The following ENTHD1 variants were observed in gnomAD, a reference collection of about 807,000 sequenced individuals.
ENTHD1 encodes the protein ENTH domain containing 1.
In ENTHD1, 23 loss-of-function variants were observed where a neutral mutation model predicts 39.1. The ratio of observed to expected loss-of-function variants is 0.59; its 90% CI spans 0.42 to 0.83. The LOEUF (loss-of-function observed/expected upper bound fraction) is 0.83, where lower values mean the gene tolerates loss of function less well. Among genes scored for constraint, ENTHD1 ranks in the 40% least tolerant of loss-of-function variants. ENTHD1 has a pLI of 0.00. For missense variants in ENTHD1, 624 were observed against 705.4 expected, an observed-to-expected ratio of 0.88 and a Z score of 1.31; for synonymous variants, 230 against 258.2, an observed-to-expected ratio of 0.89 and a Z score of 1.05.
chr22:39,825,130 C>A (rs960029412), intron 4 of ENTHD1, among the ~76,000 whole-genome samples: 16 of 152,122 alleles, frequency 1.1e-4, no homozygotes, highest in African/African-American at 2.4e-5. Flanking sequence ...GGACTCTGTA[C>A]ATGTTTTGTT....
intron 5 of ENTHD1, among the ~76,000 whole-genome samples, chr22:39,810,467 C>A (rs1324894510): frequency 1.3e-5 from 2 of 152,166 alleles, no homozygotes; most frequent in Non-Finnish European, 2.9e-5. Flanking sequence ...CCCTCTGCTT[C>A]CACCACCCAT....
At chr22:39,788,806 G>C (rs1459631630) in intron 5 of ENTHD1, among the ~76,000 whole-genome samples, 1 of 152,046 alleles carries the variant, frequency 6.6e-6, no homozygotes, top group East Asian at 1.9e-4. Context: ...TCCATCAGCA[G>C]CATCAACATG....
chr22:39,871,459 T>C (rs1029655378), intron 2 of ENTHD1, among the ~76,000 whole-genome samples: 1 of 152,210 alleles, frequency 6.6e-6, no homozygotes, highest in African/African-American at 2.4e-5. Flanking sequence ...GTAACTTTCC[T>C]GAAGTCATAA....
At chr22:39,771,888 A>T (rs931863242) in intron 5 of ENTHD1, among the ~76,000 whole-genome samples, 3 of 152,224 alleles carry the variant, frequency 2.0e-5, no homozygotes, top group African/African-American at 7.2e-5. Flanking sequence ...GGAAAGTTGG[A>T]TCTTTGGGAA....
intron 2 of ENTHD1, among the ~76,000 whole-genome samples, chr22:39,864,128 G>T (rs1327401947): frequency 1.3e-5 from 2 of 152,200 alleles, no homozygotes; most frequent in Non-Finnish European, 2.9e-5. Flanking sequence ...GGAACAATAT[G>T]TCAGACACTT....
intron 2 of ENTHD1, among the ~76,000 whole-genome samples, chr22:39,866,394 G>A (rs563798165): frequency 1.3e-5 from 2 of 152,330 alleles, no homozygotes; most frequent in South Asian, 2.1e-4. Context: ...CACTTACATT[G>A]TAGTTGGTTG....
At chr22:39,855,926 C>T in intron 3 of ENTHD1, among the ~76,000 whole-genome samples, 1 of 152,202 alleles carries the variant, frequency 6.6e-6, no homozygotes, top group Non-Finnish European at 1.5e-5. Flanking sequence ...CTCCTTCTAA[C>T]TAATCTACCT....
intron 5 of ENTHD1, among the ~76,000 whole-genome samples, chr22:39,779,088 G>T (rs572178809): frequency 6.6e-6 from 1 of 152,306 alleles, no homozygotes; most frequent in East Asian, 1.9e-4. Flanking sequence ...GGAGGCTGAG[G>T]CAGGTGGATC....
chr22:39,867,907 T>A lies in ENTHD1; in HGVS notation c.350-5900A>T, dbSNP rs536237073. ...GACACTGCCAGTCTCAAAAACAAGA[T>A]AAAAACCCCCACGAAGCAGAAATAT... On this transcript the variant is annotated intron_variant, in intron 2 of 6. Transcript: ENST00000325157. This position sits in a 1 kb window ranked among gnomAD's most constrained non-coding sequence, Gnocchi z 4.5. Among the ~76,000 whole-genome samples the A allele has an allele frequency of 3.0e-4, 45 of 151,914 alleles. No individual in the cohort carries two copies. Among genetic ancestry groups the A allele is most frequent in the African/African-American group, 1.0e-3 (43 of 41,378 alleles).
intron 5 of ENTHD1, among the ~76,000 whole-genome samples, chr22:39,779,449 T>C (rs574117518): frequency 6.6e-6 from 1 of 151,194 alleles, no homozygotes; most frequent in African/African-American, 2.4e-5. Context: ...AATTTTAAAA[T>C]AAATTGGTGA....
intron 3 of ENTHD1, 48 bp downstream of exon 3, chr22:39,861,717 T>C: frequency 7.3e-7 from 1 of 1,365,372 alleles, no homozygotes; most frequent in Non-Finnish European, 9.6e-7. Flanking sequence ...TTTTAAATCA[T>C]TTTTAATGAT....
Position 39,765,408 on chromosome 22 carries a change from G to T in ENTHD1, c.1034C>A (p.Pro345His), listed in dbSNP as rs1221486174. 25 of 1,613,768 alleles carry T rather than the reference G, an allele frequency of 1.5e-5. No homozygotes were observed. The South Asian group carries it at 2.5e-4, about 16-fold the overall frequency. ...CWSSKEEFIS[P>H]DLRVSKSDST... The stretch of plus-strand genomic sequence containing the variant: ...ATCTGACTTTGATACCCTTAAGTCG[G>T]GGCTGATAAACTCCTCTTTACTTGA... The change falls in exon 6 of 7, where the codon CCC (proline) becomes CAC (histidine). Residue 345 changes from proline to histidine, a missense_variant. Transcript: ENST00000325157.
chr22:39,811,842 G>C (rs956823387), intron 5 of ENTHD1, among the ~76,000 whole-genome samples: 4 of 151,988 alleles, frequency 2.6e-5, no homozygotes. Context: ...AGCCGGGTGT[G>C]GTGGTGGGCG....
At chr22:39,890,099 A>AAAAT (rs202065437) in intron 1 of ENTHD1, among the ~76,000 whole-genome samples, 2,102 of 139,560 alleles carry the variant, frequency 0.015, 19 homozygotes, top group Non-Finnish European at 0.018. Context: ...CTCTGTCTCA[A>AAAAT]AAATAAATAA....
intron 2 of ENTHD1, among the ~76,000 whole-genome samples, chr22:39,885,519 G>A (rs560310248): frequency 1.8e-4 from 27 of 152,124 alleles, no homozygotes; most frequent in African/African-American, 2.7e-4. Context: ...CAAATAAACC[G>A]AAAGCCAGAA....
chr22:39,812,394 C>T (rs923881056), intron 5 of ENTHD1, among the ~76,000 whole-genome samples: 22 of 152,032 alleles, frequency 1.4e-4, no homozygotes, highest in African/African-American at 4.6e-4. Context: ...GGGTATTGGC[C>T]GGGGACTTAG....
chr22:39,852,747 T>C (rs2066053380), intron 3 of ENTHD1, among the ~76,000 whole-genome samples: 1 of 152,174 alleles, frequency 6.6e-6, no homozygotes, highest in Admixed American at 6.5e-5. Context: ...ATAGAAAAGG[T>C]ACAGTAAAAA....
rs558171286 is a variant in ENTHD1, at chr22:39,862,986, G to A, written c.350-979C>T. Among the ~76,000 whole-genome samples, 232 of 152,188 alleles carry A rather than the reference G, an allele frequency of 1.5e-3. 1 individual carries two copies. The highest frequency in any genetic ancestry group is 5.3e-3 in the African/African-American group (219 of 41,506). ...CCTTTCGGACCTTCTGTCACATGAG[G>A]ACACAGCATTCCTCCCTTCCAGAGG... On this transcript the variant is annotated intron_variant, in intron 2 of 6. Transcript: ENST00000325157.
At chr22:39,847,538 AAAAAT>A (rs1453579155) in intron 3 of ENTHD1, among the ~76,000 whole-genome samples, 2 of 151,774 alleles carry the variant, frequency 1.3e-5, no homozygotes, top group South Asian at 2.1e-4. Flanking sequence ...ATAAAAATAA[AAAAAT>A]AAAGTCAGCT....
Sources: gnomAD v4.1 joint callset for allele counts (sites outside exome capture counted in the v4.1 genomes callset) on GRCh38, gnomAD v4.1.1 for gene constraint, Gnocchi (gnomAD v3.1) non-coding constraint, MANE v1.5 for transcripts, NCBI Gene and HGNC (gene_info 2026-07-23, HGNC 2026-07-21) for gene names.